BPIFB3: variants seen among roughly 807,000 people sequenced by gnomAD.
The protein encoded by BPIFB3 is BPI fold-containing family B member 3.
A neutral mutation model predicts 53.1 loss-of-function variants in BPIFB3; 49 were observed. The ratio of observed to expected loss-of-function variants is 0.92; its 90% CI spans 0.73 to 1.17. The LOEUF (loss-of-function observed/expected upper bound fraction) is 1.17. Ranked by LOEUF, BPIFB3 falls within the 50% of genes most tolerant of loss-of-function variation. BPIFB3 has a pLI of 0.00. For missense variants in BPIFB3, 628 were observed against 592.5 expected, an observed-to-expected ratio of 1.06 and a Z score of -0.62; for synonymous variants, 271 against 269.6, an observed-to-expected ratio of 1.01 and a Z score of -0.05.
intron 5 of BPIFB3, 40 bp downstream of exon 6, chr20:33,061,871 G>T: frequency 6.2e-7 from 1 of 1,608,046 alleles, no homozygotes; most frequent in South Asian, 1.1e-5. Context: ...CCTCTCCCAG[G>T]ACTGGGCCTC....
chr20:33,054,228 G>A (rs1980102874), upstream of BPIFB3, among the ~76,000 whole-genome samples: 1 of 151,962 alleles, frequency 6.6e-6, no homozygotes, highest in African/African-American at 2.4e-5. Context: ...AGTTCCAGGA[G>A]TGCCCATTTT....
chr20:33,069,818 A>G, intron 10 of BPIFB3, 70 bp from the exon 12 acceptor site: 6 of 1,489,736 alleles, frequency 4.0e-6, no homozygotes, highest in Non-Finnish European at 4.7e-6. Flanking sequence ...GAACAGATGG[A>G]TGGAGGCAGA....
At chr20:33,064,323 GA>G in intron 6 of BPIFB3, 133 bp from the exon 8 acceptor site, 1 of 726,694 alleles carries the variant, frequency 1.4e-6, no homozygotes, top group South Asian at 1.8e-5. Context: ...GTAAAATGGG[GA>G]TGACAGTAGC....
intron 8 of BPIFB3, among the ~76,000 whole-genome samples, chr20:33,065,370 G>T (rs866135749): frequency 3.9e-5 from 6 of 152,140 alleles, no homozygotes; most frequent in Admixed American, 2.6e-4. Flanking sequence ...TATTAGCCAG[G>T]CATGGTGGTG....
At chr20:33,072,368 A>G (rs1980940573) in intron 13 of BPIFB3, among the ~76,000 whole-genome samples, 1 of 152,164 alleles carries the variant, frequency 6.6e-6, no homozygotes, top group Non-Finnish European at 1.5e-5. Context: ...CAGCCTATGG[A>G]CTTCAAGCGC....
At chr20:33,059,548 C>T (rs1980356819) in intron 3 of BPIFB3, 66 bp downstream of exon 4, 1 of 1,190,716 alleles carries the variant, frequency 8.4e-7, no homozygotes, top group Non-Finnish European at 1.2e-6. Context: ...GTTGGAGACT[C>T]CTACTCTGCT....
rs773215390 is a variant in BPIFB3, at chr20:33,066,807, T to C, written c.925-17T>C. The C allele has an allele frequency of 1.9e-6, 3 of 1,613,700 alleles. No individual in the cohort carries two copies. The highest frequency in any genetic ancestry group is 4.5e-5 in the East Asian group (2 of 44,888). On this transcript the variant is annotated splice_polypyrimidine_tract_variant and intron_variant, in intron 8 of 14. Coordinates refer to ENST00000375494, the Ensembl canonical transcript of BPIFB3. ...TGTCTCTGTGCTCACCAACCCTCTC[T>C]CCCATTGGGGGTCCAGGTTCCCAGC...
At chr20:33,064,369 C>A in intron 6 of BPIFB3, 88 bp from the exon 8 acceptor site, 1 of 1,064,960 alleles carries the variant, frequency 9.4e-7, no homozygotes, top group Non-Finnish European at 1.4e-6. Flanking sequence ...GCTAGGCATT[C>A]AGCAGACACT....
rs188012742 is a variant in BPIFB3, at chr20:33,072,876, C to T, written c.1401+83C>T. 280 of 1,161,452 alleles carry T rather than the reference C, an allele frequency of 2.4e-4. 1 individual carries two copies. In the African/African-American group the frequency reaches 3.9e-3, roughly 16 times the overall value. The allele number at this position is 1,161,452 out of a possible 1,614,324, so 71.9% of individuals were successfully genotyped here. On this transcript the variant is annotated intron_variant, in intron 14 of 14. Coordinates refer to ENST00000375494, the Ensembl canonical transcript of BPIFB3. ...CTGCTTGAAACTAATGAGGGGAATG[C>T]TTTGCTTCATCCTCTTGTCTGTCCC...
chr20:33,061,080 C>T (rs1980435122), intron 4 of BPIFB3, among the ~76,000 whole-genome samples: 1 of 152,204 alleles, frequency 6.6e-6, no homozygotes, highest in Non-Finnish European at 1.5e-5. Context: ...CCTGCTCCAT[C>T]TTTGTTGGGT....
Position 33,064,453 on chromosome 20 carries a change from G to C in BPIFB3, c.653-4G>C, listed in dbSNP as rs368565914. ...GTCGTTCTCGCCCCCACTTTCCCAC[G>C]CAGGCCTGGTGTCCCTTGGGGCTCT... On this transcript the variant is annotated splice_region_variant and splice_polypyrimidine_tract_variant and intron_variant, in intron 6 of 14. Coordinates refer to ENST00000375494, the Ensembl canonical transcript of BPIFB3. The C allele has an allele frequency of 6.2e-7, 1 of 1,613,368 alleles. No homozygotes were observed.
downstream of BPIFB3, chr20:33,073,729 G>A: frequency 1.7e-6 from 2 of 1,157,670 alleles, no homozygotes; most frequent in Admixed American, 2.0e-5. Flanking sequence ...TGGCCCTGAA[G>A]CACTACTCCA....
In BPIFB3 at chr20:33,056,654, G is replaced by C. The variant is rs143621529; in HGVS notation, c.237G>C (p.Leu79Phe). 3 of 1,611,906 alleles carry C rather than the reference G, an allele frequency of 1.9e-6. No individual in the cohort carries two copies. The African/African-American group carries it at 4.0e-5, about 22-fold the overall frequency. ...GAGGGCTGCTTGGAGGAGGCGGCTT[G>C]CTGGGCCACGGAGGGGTTTTTGGCG... The change falls in exon 2 of 15, where the codon TTG becomes TTC. Residue 79 changes from leucine to phenylalanine, a missense_variant. By Grantham distance (22) the Leu-to-Phe change is conservative. Coordinates refer to ENST00000375494, the Ensembl canonical transcript of BPIFB3.
chr20:33,057,879 T>C (rs1980287589), intron 2 of BPIFB3, among the ~76,000 whole-genome samples: 1 of 152,102 alleles, frequency 6.6e-6, no homozygotes, highest in African/African-American at 2.4e-5. Context: ...ATAGCTAATA[T>C]GCACTAACTC....
chr20:33,067,683 A>C (rs1202686617), intron 9 of BPIFB3, among the ~76,000 whole-genome samples: 1 of 152,200 alleles, frequency 6.6e-6, no homozygotes, highest in Non-Finnish European at 1.5e-5. Context: ...GTGGAGAGGG[A>C]CATGGGGCAA....
At chr20:33,072,106 A>G in exon 13 of BPIFB3, 3 of 1,614,170 alleles carry the variant, frequency 1.9e-6, no homozygotes, top group Non-Finnish European at 2.5e-6. Context: ...TGTTGCAGGG[A>G]TCGCGTTTAG....
At chr20:33,060,337 T>C (rs1054122038) in intron 4 of BPIFB3, among the ~76,000 whole-genome samples, 1 of 152,134 alleles carries the variant, frequency 6.6e-6, no homozygotes, top group Non-Finnish European at 1.5e-5. Context: ...ATCCCTCCAT[T>C]TGCGGGATTT....
intron 4 of BPIFB3, among the ~76,000 whole-genome samples, chr20:33,061,410 C>T (rs1006778093): frequency 2.4e-4 from 36 of 152,118 alleles, no homozygotes; most frequent in African/African-American, 7.5e-4. Flanking sequence ...TCTGGGGGCT[C>T]AATAACAACC....
rs35322158 is a variant in BPIFB3, at chr20:33,064,447, T to TC, written c.653-7dup. ...TATAGGGTCGTTCTCGCCCCCACTT[T>TC]CCCACGCAGGCCTGGTGTCCCTTGG... On this transcript the variant is annotated splice_polypyrimidine_tract_variant and intron_variant, in intron 6 of 14. Coordinates refer to ENST00000375494, the Ensembl canonical transcript of BPIFB3. 5.6e-6 allele frequency: 9 copies of TC among 1,612,772 alleles called. No homozygotes were observed. Among genetic ancestry groups the TC allele is most frequent in the Non-Finnish European group, 7.6e-6 (9 of 1,178,940 alleles).
Sources: gnomAD v4.1 joint callset for allele counts (sites outside exome capture counted in the v4.1 genomes callset) on GRCh38, gnomAD v4.1.1 for gene constraint, MANE v1.5 for transcripts, NCBI Gene and HGNC (gene_info 2026-07-23, HGNC 2026-07-21) for gene names.